TEX11: variants seen among roughly 807,000 people sequenced by gnomAD.
The protein encoded by TEX11 is testis expressed 11.
In TEX11, 7 loss-of-function variants were observed where a neutral mutation model predicts 84.4. The ratio of observed to expected loss-of-function variants is 0.08; its 90% CI spans 0.05 to 0.16. The LOEUF (loss-of-function observed/expected upper bound fraction) is 0.16. Ranked by LOEUF, TEX11 falls within the 10% of genes least tolerant of loss-of-function variation. The pLI is 1.00. For missense variants in TEX11, 551 were observed against 660.5 expected (o/e 0.83, Z 1.82); for synonymous variants, 264 against 222.8 (o/e 1.18, Z -1.64).
intron 2 of TEX11, chrX:70,897,669 C>CGG (rs2091778368): frequency 2.4e-5 from 1 of 42,459 alleles, no homozygotes; most frequent in Non-Finnish European, 4.4e-5. Context: ...GGAAGGAAAA[C>CGG]AAAGAAAGAA....
intron 17 of TEX11, among the ~76,000 whole-genome samples, chrX:70,640,144 C>T (rs1296280389): frequency 2.7e-5 from 3 of 109,130 alleles, no homozygotes; most frequent in Non-Finnish European, 5.7e-5. Context: ...GGAGCCGATG[C>T]GATCAACTGG....
At chrX:70,571,850 A>C (rs1389859787) in intron 25 of TEX11, among the ~76,000 whole-genome samples, 2 of 111,810 alleles carry the variant, frequency 1.8e-5, no homozygotes, top group African/African-American at 6.5e-5. Flanking sequence ...ACTGAAGTTT[A>C]AAGCTTGGGA....
chrX:70,656,152 G>A (rs1180737110), intron 16 of TEX11, among the ~76,000 whole-genome samples: 1 of 108,784 alleles, frequency 9.2e-6, no homozygotes, highest in East Asian at 2.9e-4. Flanking sequence ...GGCTGGGCAT[G>A]GCTGATCATG....
chrX:70,794,165 A>G (rs1436504213), intron 9 of TEX11, among the ~76,000 whole-genome samples: 3 of 111,847 alleles, frequency 2.7e-5, no homozygotes, highest in Non-Finnish European at 5.6e-5. Context: ...ATTCACAGCC[A>G]CATAATGGGA....
chrX:70,711,867 G>T (rs1353373711), intron 13 of TEX11, among the ~76,000 whole-genome samples: 1 of 111,409 alleles, frequency 9.0e-6, no homozygotes, highest in Non-Finnish European at 1.9e-5. Context: ...CCTTGCCCAT[G>T]CCTATGTCCT....
chrX:70,590,100 G>A (rs1048366087), intron 25 of TEX11, among the ~76,000 whole-genome samples: 1 of 111,864 alleles, frequency 8.9e-6, no homozygotes, highest in Admixed American at 9.5e-5. Flanking sequence ...AAAGGCACAC[G>A]AAAAGATGAT....
intron 9 of TEX11, among the ~76,000 whole-genome samples, chrX:70,758,688 C>T (rs1341847968): frequency 9.0e-6 from 1 of 111,674 alleles, no homozygotes; most frequent in Non-Finnish European, 1.9e-5. Context: ...AATTGACACC[C>T]TAACATCACA....
chrX:70,755,210 C>T (rs764496631), intron 9 of TEX11, among the ~76,000 whole-genome samples: 3 of 111,659 alleles, frequency 2.7e-5, no homozygotes, highest in Non-Finnish European at 5.6e-5. Context: ...TGAGGAAACT[C>T]GAAGAAATTC....
At chrX:70,805,286 G>T (rs185973670) in intron 9 of TEX11, among the ~76,000 whole-genome samples, 162 of 111,186 alleles carry the variant, frequency 1.5e-3, no homozygotes, top group African/African-American at 5.1e-3. Context: ...ATTCACAAAA[G>T]TTAGACTATA....
intron 2 of TEX11, among the ~76,000 whole-genome samples, chrX:70,887,617 C>T (rs757446658): frequency 8.9e-6 from 1 of 112,558 alleles, no homozygotes; most frequent in East Asian, 2.8e-4. Context: ...CAGACAGCAT[C>T]TCTGGACCCA....
At chrX:70,724,322 A>C (rs1403162044) in intron 12 of TEX11, 1 of 539,610 alleles carries the variant, frequency 1.9e-6, no homozygotes, top group Admixed American at 9.1e-5. Flanking sequence ...TCCCCAATAC[A>C]TTTGAGCTTC....
intron 11 of TEX11, among the ~76,000 whole-genome samples, chrX:70,727,057 G>C (rs186247425): frequency 1.6e-3 from 173 of 111,008 alleles, no homozygotes; most frequent in African/African-American, 5.5e-3. Flanking sequence ...TGAGAAACAG[G>C]CTCCAGGTAC....
intron 7 of TEX11, among the ~76,000 whole-genome samples, chrX:70,842,053 C>G (rs1264227436): frequency 9.0e-6 from 1 of 110,771 alleles, no homozygotes; most frequent in Non-Finnish European, 1.9e-5. Flanking sequence ...ACCAGAGGTA[C>G]AAGGAGGAGC....
rs1046650410 is a variant in TEX11 at position 70,621,350 on chromosome X, G to A, written c.1751+2600C>T. On this transcript the variant is annotated intron_variant, in intron 20 of 29. Coordinates refer to ENST00000374333, the MANE Select transcript of TEX11 (RefSeq NM_031276.3). ...AGCCTGGCCAACATAGTGAAACCCC[G>A]TCTCTACTAAACATACAAAAATTAG... is the stretch of plus-strand genomic sequence containing the variant. Among the ~76,000 whole-genome samples the A allele has an allele frequency of 6.8e-5, 7 of 102,882 alleles. No homozygotes were observed. The East Asian group carries it at 1.2e-3, about 18-fold the overall frequency. 89.3% of individuals were successfully genotyped at this position (102,882 alleles called of 115,157 possible).
At chrX:70,679,717 G>A (rs1368215552) in intron 14 of TEX11, among the ~76,000 whole-genome samples, 2 of 108,451 alleles carry the variant, frequency 1.8e-5, no homozygotes, top group African/African-American at 3.4e-5. Context: ...CAGCCACCTC[G>A]TCAGGCAGGG....
intron 17 of TEX11, among the ~76,000 whole-genome samples, chrX:70,646,366 A>G (rs1435716209): frequency 3.6e-5 from 4 of 112,538 alleles, no homozygotes; most frequent in Non-Finnish European, 7.5e-5. Context: ...AAACACAAAA[A>G]TAGACACATG....
intron 20 of TEX11, among the ~76,000 whole-genome samples, chrX:70,621,618 T>TAAAAACTTA (rs1218371915): frequency 4.7e-5 from 3 of 64,406 alleles, no homozygotes; most frequent in Non-Finnish European, 8.6e-5. Flanking sequence ...TAAAATGAAA[T>TAAAAACTTA]AAAAACTTAA....
intron 5 of TEX11, among the ~76,000 whole-genome samples, chrX:70,853,894 C>T (rs1265798979): frequency 8.9e-6 from 1 of 111,870 alleles, no homozygotes; most frequent in Admixed American, 9.6e-5. Context: ...AAGGTATCTT[C>T]CTCCCTCCTC....
chrX:70,528,823 A>G, downstream of TEX11: 1 of 319,425 alleles, frequency 3.1e-6, no homozygotes, highest in Non-Finnish European at 5.4e-6. Context: ...TGGGATGAAC[A>G]TTCTCTTTTG....
Sources: allele counts gnomAD v4.1 joint callset (sites outside exome capture counted in the v4.1 genomes callset), GRCh38; gene constraint gnomAD v4.1.1; transcripts MANE v1.5; gene names NCBI Gene and HGNC (gene_info 2026-07-23, HGNC 2026-07-21).